Variants in CR1L observed in about 807,000 individuals in gnomAD.
The protein encoded by CR1L is complement component receptor 1-like protein.
Under a neutral mutation model 62.3 loss-of-function variants are expected in CR1L, and 59 were observed. The ratio of observed to expected loss-of-function variants is 0.95; its 90% CI spans 0.77 to 1.18. The LOEUF (loss-of-function observed/expected upper bound fraction) is 1.18, where lower values mean the gene tolerates loss of function less well. Ranked by LOEUF, CR1L falls within the 50% of genes most tolerant of loss-of-function variation. The pLI, the probability that CR1L is intolerant of heterozygous loss-of-function variation, is 0.00. For synonymous variants in CR1L, 279 were observed against 248.7 expected (o/e 1.12, Z -1.15); for missense variants, 700 against 702.8 (o/e 1.00, Z 0.04).
intron 10 of CR1L, among the ~76,000 whole-genome samples, chr1:207,716,344 A>T (rs1653998797): frequency 6.6e-6 from 1 of 152,228 alleles, no homozygotes; most frequent in South Asian, 2.1e-4. Context: ...CAGTGTCTGA[A>T]ATGATGAGGT....
chr1:207,673,551 G>C (rs1010474728), intron 1 of CR1L, among the ~76,000 whole-genome samples: 1 of 152,156 alleles, frequency 6.6e-6, no homozygotes, highest in African/African-American at 2.4e-5. Context: ...TGCTTTGAAT[G>C]GAAGATCTGA....
In CR1L at chr1:207,696,810, C is replaced by T. The variant is rs137882788; in HGVS notation, c.863-693C>T. On this transcript the variant is annotated intron_variant, in intron 5 of 11. Coordinates refer to ENST00000508064, the MANE Select transcript of CR1L (RefSeq NM_175710.2). ...ATCAACTATATTAAGAGAGAGCCAG[C>T]GCTGCCCTTACAATATGTTGTGTGA... Among the ~76,000 whole-genome samples the T allele has an allele frequency of 6.5e-3, 992 of 152,302 alleles. 14 individuals carry two copies. The highest frequency in any genetic ancestry group is 0.023 in the African/African-American group (937 of 41,558).
intron 5 of CR1L, among the ~76,000 whole-genome samples, chr1:207,696,613 C>T (rs1664104559): frequency 6.6e-6 from 1 of 152,178 alleles, no homozygotes; most frequent in Admixed American, 6.5e-5. Flanking sequence ...TTTACAAACT[C>T]CCTAAAGAAG....
chr1:207,723,385 A>C (rs1041298451), intron 11 of CR1L, among the ~76,000 whole-genome samples: 3 of 151,182 alleles, frequency 2.0e-5, no homozygotes, highest in African/African-American at 7.3e-5. Flanking sequence ...AGGTTGCACC[A>C]CTGCACTCCA....
intron 9 of CR1L, among the ~76,000 whole-genome samples, chr1:207,707,376 C>T (rs1016593584): frequency 1.3e-5 from 2 of 152,146 alleles, no homozygotes; most frequent in African/African-American, 4.8e-5. Flanking sequence ...GCCTGTAGTC[C>T]CAGCACTTTG....
At position 207,646,554 on chromosome 1, in the gene CR1L, T is replaced by TA. The variant is rs1239569534; in HGVS notation, c.97+1231dup. Among the ~76,000 whole-genome samples the TA allele has an allele frequency of 6.6e-5, 10 of 151,356 alleles. No homozygotes were observed. In the East Asian group the frequency reaches 1.4e-3, roughly 21 times the overall value. On this transcript the variant is annotated intron_variant, in intron 1 of 11. Coordinates refer to ENST00000508064, the MANE Select transcript of CR1L (RefSeq NM_175710.2). ...GTCAAAACCCCATGTCTACAAAAAA[T>TA]AAAAAAATTAGATGGGCATGGTGGT...
rs1289925190 is a variant in CR1L, at chr1:207,645,213, A to T, written c.-21A>T. On this transcript the variant is annotated 5_prime_UTR_variant, in exon 1 of 12. Coordinates refer to ENST00000508064, the MANE Select transcript of CR1L (RefSeq NM_175710.2). Reference sequence around the variant, plus strand: ...TTCTCTGCTCACCTCCGGATAAATCACGGGGTCTCCCGCGCCGCTCATGGC... The same window carrying T: ...TTCTCTGCTCACCTCCGGATAAATCTCGGGGTCTCCCGCGCCGCTCATGGC... The T allele has an allele frequency of 1.2e-6, 2 of 1,611,578 alleles. No individual in the cohort carries two copies. The highest frequency in any genetic ancestry group is 3.3e-5 in the Admixed American group (2 of 60,026).
intron 4 of CR1L, 91 bp from the exon 5 acceptor site, chr1:207,694,262 C>G (rs1158135567): frequency 9.4e-6 from 14 of 1,493,106 alleles, no homozygotes; most frequent in African/African-American, 1.4e-5. Flanking sequence ...AGAATAAAAG[C>G]AAATAATGAA....
At chr1:207,645,447 C>A in intron 1 of CR1L, 117 bp downstream of exon 1, 2 of 1,196,266 alleles carry the variant, frequency 1.7e-6, no homozygotes, top group South Asian at 2.5e-5. Context: ...GGATAGAGAG[C>A]GAGGCCAGGG....
chr1:207,694,089 A>G (rs1326644106), intron 4 of CR1L, among the ~76,000 whole-genome samples: 5 of 152,216 alleles, frequency 3.3e-5, no homozygotes, highest in African/African-American at 1.2e-4. Flanking sequence ...TATAAACTCT[A>G]TAATACTATA....
chr1:207,665,404 A>T (rs552151051), intron 1 of CR1L, among the ~76,000 whole-genome samples: 3 of 147,696 alleles, frequency 2.0e-5, no homozygotes, highest in Non-Finnish European at 3.0e-5. Context: ...AGATTAAATT[A>T]TTTTTTTTTC....
intron 1 of CR1L, among the ~76,000 whole-genome samples, chr1:207,651,165 G>T (rs1333772086): frequency 6.6e-6 from 1 of 151,928 alleles, no homozygotes; most frequent in East Asian, 1.9e-4. Flanking sequence ...TGATATAATG[G>T]CACCTACTGT....
rs145187473 is a variant in CR1L at position 207,663,635 on chromosome 1, G to A, written c.98-13754G>A. Among the ~76,000 whole-genome samples, 247 of 152,278 alleles carry A rather than the reference G, an allele frequency of 1.6e-3. 4 individuals carry two copies. Among genetic ancestry groups the A allele is most frequent in the African/African-American group, 4.6e-3 (193 of 41,558 alleles). On this transcript the variant is annotated intron_variant, in intron 1 of 11. Coordinates refer to ENST00000508064, the MANE Select transcript of CR1L (RefSeq NM_175710.2). ...CCCTGCTTCGGCTCATGCACAGTGC[G>A]CTGCACCCACTGTCCTGCACTCCCC...
At chr1:207,645,783 T>C (rs141399976) in intron 1 of CR1L, among the ~76,000 whole-genome samples, 11 of 152,204 alleles carry the variant, frequency 7.2e-5, no homozygotes, top group Non-Finnish European at 1.5e-4. Context: ...GCTTGGACAG[T>C]ACCCGCGGTA....
chr1:207,681,081 C>G (rs1468616486), intron 3 of CR1L, among the ~76,000 whole-genome samples: 1 of 152,190 alleles, frequency 6.6e-6, no homozygotes, highest in Non-Finnish European at 1.5e-5. Flanking sequence ...AATGTGCTAA[C>G]CTAAACAATT....
At chr1:207,656,552 G>T (rs1247192102) in intron 1 of CR1L, among the ~76,000 whole-genome samples, 1 of 152,156 alleles carries the variant, frequency 6.6e-6, no homozygotes, top group African/African-American at 2.4e-5. Flanking sequence ...ATTGGCTCGT[G>T]ATTCTACAAG....
In CR1L at chr1:207,717,701, C is replaced by T. The variant is rs373492341; in HGVS notation, c.1642+10C>T. The T allele has an allele frequency of 2.2e-4, 347 of 1,613,582 alleles. No individual in the cohort carries two copies. The Middle Eastern group carries it at 2.3e-3, about 11-fold the overall frequency. On this transcript the variant is annotated intron_variant, in intron 11 of 11. Transcript: ENST00000508064. ...CTTCCTGTTGGTGCTGGTCAGTATC[C>T]GCTTCCACATATCCTAAATGGGTTC...
intron 1 of CR1L, among the ~76,000 whole-genome samples, chr1:207,660,788 A>T (rs550567468): frequency 6.6e-6 from 1 of 152,360 alleles, no homozygotes; most frequent in South Asian, 2.1e-4. Flanking sequence ...ATTTAGTGCT[A>T]TAAATTTCCC....
In CR1L at chr1:207,697,849, A is replaced by C. The variant is rs1434129488; in HGVS notation, c.1118A>C (p.Lys373Thr). 1.9e-6 allele frequency: 3 copies of C among 1,613,898 alleles called. No individual in the cohort carries two copies. Among genetic ancestry groups the C allele is most frequent in the Non-Finnish European group, 2.5e-6 (3 of 1,179,878 alleles). Residue 373 changes from lysine to threonine, a missense_variant, in exon 7 of 12, where the codon AAA (lysine) becomes ACA (threonine). Physicochemically the swap from Lys to Thr is moderately conservative, Grantham distance 78. Coordinates refer to ENST00000508064, the MANE Select transcript of CR1L (RefSeq NM_175710.2). ...LFPLNLQLGA[K>T]VDFVCDEGFQ... ...CCACTTAATCTCCAGCTTGGAGCAA[A>C]AGTGGATTTTGTTTGTGATGAAGGG...
Sources: gnomAD v4.1 joint callset for allele counts (sites outside exome capture counted in the v4.1 genomes callset) on GRCh38, gnomAD v4.1.1 for gene constraint, MANE v1.5 for transcripts, NCBI Gene and HGNC (gene_info 2026-07-23, HGNC 2026-07-21) for gene names.